Variants in DNAJC7 observed in about 807,000 individuals in gnomAD.
The protein encoded by DNAJC7 is DnaJ heat shock protein family (Hsp40) member C7.
A neutral mutation model predicts 67.4 loss-of-function variants in DNAJC7; 18 were observed. The observed-to-expected ratio is 0.27, with a 90% CI of 0.18 to 0.40. DNAJC7 has a LOEUF of 0.40. DNAJC7 is among the 10% of genes least tolerant of loss of function. The pLI is 1.00. For synonymous variants in DNAJC7, 220 were observed against 207.8 expected (o/e 1.06, Z -0.50); for missense variants, 419 against 613.8 (o/e 0.68, Z 3.35).
At chr17:42,008,858 C>T (rs1367069692) in intron 1 of DNAJC7, among the ~76,000 whole-genome samples, 2 of 152,204 alleles carry the variant, frequency 1.3e-5, no homozygotes, top group African/African-American at 4.8e-5. Context: ...CAGGGCCCCA[C>T]TACCATGCCT....
Position 41,982,376 on chromosome 17 carries a change from C to A in DNAJC7, c.1110G>T (p.Ala370=). The change falls in exon 11 of 14, where the codon GCG becomes GCT. Residue 370 remains alanine, a synonymous_variant. Transcript: ENST00000457167. The stretch of plus-strand genomic sequence containing the variant: ...TCTTACTCTTCTTCAGTTCCAGCTG[C>A]GCATTTTTTAGGAGCTGTTTGTGTT... ...TKEHKQLLKN[A]QLELKKSKRK... 4 of 1,613,960 alleles carry A rather than the reference C, an allele frequency of 2.5e-6. No individual in the cohort carries two copies. Among genetic ancestry groups the A allele is most frequent in the South Asian group, 1.1e-5 (1 of 91,080 alleles).
intron 8 of DNAJC7, among the ~76,000 whole-genome samples, chr17:41,988,235 C>T (rs1555647172): frequency 6.6e-6 from 1 of 152,170 alleles, no homozygotes; most frequent in Non-Finnish European, 1.5e-5. Flanking sequence ...TCAGAAATCA[C>T]TCTGATTTTT....
chr17:42,010,499 A>G (rs1555650940), intron 1 of DNAJC7, among the ~76,000 whole-genome samples: 1 of 151,924 alleles, frequency 6.6e-6, no homozygotes, highest in African/African-American at 2.4e-5. Context: ...TCTCAAAAAT[A>G]TATATATATA....
rs1230231237 is a variant in DNAJC7, at chr17:41,985,999, T to C, written c.1010+1820A>G. 15 of 129,164 alleles carry C rather than the reference T, an allele frequency of 1.2e-4. No individual in the cohort carries two copies. In the Admixed American group the frequency reaches 1.4e-3, roughly 12 times the overall value. 8.0% of individuals were successfully genotyped at this position (129,164 alleles called of 1,614,324 possible). On this transcript the variant is annotated intron_variant, in intron 9 of 13. Coordinates refer to ENST00000457167, the MANE Select transcript of DNAJC7 (RefSeq NM_003315.4). ...AAGAAGAAAATAATCCTTCATCCAA[T>C]TATCCTCCGAGCAAATCAAGAATTT...
intron 5 of DNAJC7, chr17:41,992,701 C>A: frequency 6.6e-6 from 1 of 152,334 alleles, no homozygotes; most frequent in Non-Finnish European, 1.5e-5. Flanking sequence ...CCAACCTCCC[C>A]ATGACTAGGG....
At chr17:42,006,715 T>C (rs782368365) in intron 1 of DNAJC7, among the ~76,000 whole-genome samples, 4 of 140,732 alleles carry the variant, frequency 2.8e-5, no homozygotes, top group Non-Finnish European at 4.5e-5. Context: ...GAGAATCCCT[T>C]GAACCCAGGA....
At chr17:42,012,143 C>T (rs1452825155) in intron 1 of DNAJC7, among the ~76,000 whole-genome samples, 1 of 152,194 alleles carries the variant, frequency 6.6e-6, no homozygotes, top group African/African-American at 2.4e-5. Flanking sequence ...ATCTTGTTGT[C>T]CAGTCACACT....
At chr17:42,007,568 G>A (rs2052000498) in intron 1 of DNAJC7, among the ~76,000 whole-genome samples, 1 of 151,990 alleles carries the variant, frequency 6.6e-6, no homozygotes, top group South Asian at 2.1e-4. Flanking sequence ...CTATTGCCCA[G>A]GCCAGAGTGC....
Position 41,994,924 on chromosome 17 carries a change from G to A in DNAJC7, c.426C>T (p.Val142=). 1.2e-6 allele frequency: 2 copies of A among 1,613,848 alleles called. No homozygotes were observed. Among genetic ancestry groups the A allele is most frequent in the Non-Finnish European group, 1.7e-6 (2 of 1,179,846 alleles). The change falls in exon 5 of 14, where the codon GTC becomes GTT. Residue 142 remains valine (V), a synonymous_variant. Transcript: ENST00000457167. ...TTTCTGCTATTTTCTCATATTCCAT[G>A]ACTGCATTAGCATTCTTGAACTGCA... is the stretch of plus-strand genomic sequence containing the variant. ...AQQEFKNANA[V]MEYEKIAETD...
At chr17:41,998,452 A>G (rs1427443338) in intron 2 of DNAJC7, among the ~76,000 whole-genome samples, 5 of 152,216 alleles carry the variant, frequency 3.3e-5, no homozygotes, top group Non-Finnish European at 7.3e-5. Flanking sequence ...AGCCTGGGTG[A>G]CAGTGACACT....
Position 41,982,083 on chromosome 17 carries a change from TTC to T in DNAJC7, c.1232-78_1232-77del, listed in dbSNP as rs1383537246. On this transcript the variant is annotated intron_variant, in intron 11 of 13. Coordinates refer to ENST00000457167, the MANE Select transcript of DNAJC7 (RefSeq NM_003315.4). ...AACAAAGTTTAAGAGAAAAACTACT[TTC>T]TGTCTAATTTTGGAATTTGGCACTT... 22 of 1,579,202 alleles carry T rather than the reference TTC, an allele frequency of 1.4e-5. No homozygotes were observed. The South Asian group carries it at 2.0e-4, about 14-fold the overall frequency.
chr17:42,010,923 A>G (rs2143346006), intron 1 of DNAJC7: 1 of 152,354 alleles, frequency 6.6e-6, no homozygotes, highest in East Asian at 1.9e-4. Flanking sequence ...GGTGAGGGTA[A>G]AACATAGGAA....
chr17:41,977,437 C>G (rs575635023), intron 12 of DNAJC7, 114 bp from the exon 13 acceptor site: 7 of 953,756 alleles, frequency 7.3e-6, no homozygotes, highest in Middle Eastern at 2.1e-4. Flanking sequence ...GAGAGTCTCA[C>G]TCCCCTCCTT....
intron 12 of DNAJC7, among the ~76,000 whole-genome samples, chr17:41,980,909 C>T (rs1448015708): frequency 4.6e-5 from 7 of 152,212 alleles, no homozygotes; most frequent in African/African-American, 1.7e-4. Flanking sequence ...TTACCACATA[C>T]AGCCCTTATG....
At chr17:41,982,883 C>A (rs920759330) in intron 10 of DNAJC7, among the ~76,000 whole-genome samples, 8 of 151,738 alleles carry the variant, frequency 5.3e-5, no homozygotes, top group Admixed American at 1.3e-4. Flanking sequence ...TTGTTTGAAC[C>A]TGGGAGGCAA....
intron 4 of DNAJC7, 67 bp from the exon 5 acceptor site, chr17:41,995,011 TAAC>T: frequency 7.4e-7 from 1 of 1,353,192 alleles, no homozygotes; most frequent in Non-Finnish European, 1.1e-6. Flanking sequence ...ACAAAAAAAT[TAAC>T]AAGGCCTTGA....
At chr17:42,006,491 C>A (rs909526449) in intron 1 of DNAJC7, among the ~76,000 whole-genome samples, 12 of 151,764 alleles carry the variant, frequency 7.9e-5, no homozygotes, top group African/African-American at 2.9e-4. Context: ...CAGAGTGAGA[C>A]CCTGCCTTTA....
At chr17:42,011,476 C>A (rs559062564) in intron 1 of DNAJC7, 1 of 152,306 alleles carries the variant, frequency 6.6e-6, no homozygotes, top group African/African-American at 2.4e-5. Flanking sequence ...TTTCTCTGTA[C>A]TCTACCTTTG....
rs1185426938 is a variant in DNAJC7, at chr17:41,976,628, T to A, written c.*105A>T. On this transcript the variant is annotated 3_prime_UTR_variant, in exon 14 of 14. Transcript: ENST00000457167. ...CATCCAACTGAGAAAACGAAACTGC[T>A]CTAAGCACACGGAGACGTGATGAAG... 6.8e-7 allele frequency: 1 copy of A among 1,473,136 alleles called. No individual in the cohort carries two copies. The highest frequency in any genetic ancestry group is 9.2e-7 in the Non-Finnish European group (1 of 1,085,630). The allele number at this position is 1,473,136 out of a possible 1,614,324, so 91.3% of individuals were successfully genotyped here.
Sources: gnomAD v4.1 joint callset for allele counts (sites outside exome capture counted in the v4.1 genomes callset) on GRCh38, gnomAD v4.1.1 for gene constraint, MANE v1.5 for transcripts, NCBI Gene and HGNC (gene_info 2026-07-23, HGNC 2026-07-21) for gene names.